The following VWC2L variants were observed in gnomAD, a reference collection of about 807,000 sequenced individuals.
VWC2L encodes the protein von Willebrand factor C domain-containing protein 2-like.
Under a neutral mutation model 21.6 loss-of-function variants are expected in VWC2L, and 10 were observed. The ratio of observed to expected loss-of-function variants is 0.46; its 90% CI spans 0.29 to 0.78. The LOEUF (loss-of-function observed/expected upper bound fraction) is 0.78, where lower values mean the gene tolerates loss of function less well. Ranked by LOEUF, VWC2L falls within the 30% of genes least tolerant of loss-of-function variation. VWC2L has a pLI of 0.10. For missense variants in VWC2L, 209 were observed against 277.1 expected (o/e 0.75, Z 1.74); for synonymous variants, 96 against 94.3 (o/e 1.02, Z -0.10).
chr2:214,533,068 C>CA (rs1472328249), intron 3 of VWC2L, among the ~76,000 whole-genome samples: 1 of 152,036 alleles, frequency 6.6e-6, no homozygotes, highest in East Asian at 1.9e-4. Flanking sequence ...ACAACCTCTA[C>CA]AAGTGAGCAG....
chr2:214,554,850 C>T (rs1448649482), intron 3 of VWC2L, among the ~76,000 whole-genome samples: 1 of 152,082 alleles, frequency 6.6e-6, no homozygotes, highest in African/African-American at 2.4e-5. Context: ...CTGTATTTTA[C>T]CTTAAAATAT....
intron 3 of VWC2L, among the ~76,000 whole-genome samples, chr2:214,481,659 G>A (rs1419014338): frequency 6.6e-6 from 1 of 152,152 alleles, no homozygotes; most frequent in African/African-American, 2.4e-5. Flanking sequence ...ATAATAGTTT[G>A]ACATCTGATG....
chr2:214,434,977 G>A (rs1299218127), intron 2 of VWC2L, among the ~76,000 whole-genome samples: 2 of 152,042 alleles, frequency 1.3e-5, no homozygotes, highest in Non-Finnish European at 2.9e-5. Context: ...CCCCCATACT[G>A]GCAGTAAATA....
At chr2:214,567,577 C>CAGAGAGAG (rs1197923993) in intron 3 of VWC2L, among the ~76,000 whole-genome samples, 3 of 73,800 alleles carry the variant, frequency 4.1e-5, no homozygotes, top group Admixed American at 1.2e-4. Context: ...CACACACACA[C>CAGAGAGAG]ACACACACAC....
intron 3 of VWC2L, among the ~76,000 whole-genome samples, chr2:214,511,548 G>A (rs1200556370): frequency 6.6e-6 from 1 of 152,072 alleles, no homozygotes; most frequent in East Asian, 1.9e-4. Flanking sequence ...CTCAGGAAGA[G>A]GATGCCTATC....
intron 2 of VWC2L, among the ~76,000 whole-genome samples, chr2:214,416,488 T>A (rs1034813700): frequency 6.6e-6 from 1 of 152,064 alleles, no homozygotes; most frequent in African/African-American, 2.4e-5. Context: ...TCACTTTTTT[T>A]AACAAGAATT....
At chr2:214,533,377 A>G (rs953732051) in intron 3 of VWC2L, among the ~76,000 whole-genome samples, 2 of 152,074 alleles carry the variant, frequency 1.3e-5, no homozygotes, top group East Asian at 3.9e-4. Flanking sequence ...GCTCTCTTCG[A>G]GGCTGCTAGT....
At chr2:214,442,474 C>T (rs1263423257) in intron 3 of VWC2L, among the ~76,000 whole-genome samples, 3 of 151,996 alleles carry the variant, frequency 2.0e-5, no homozygotes, top group Admixed American at 2.0e-4. Context: ...TTTTTAAACC[C>T]CTTTTTATTT....
intron 3 of VWC2L, among the ~76,000 whole-genome samples, chr2:214,562,987 T>A (rs914441654): frequency 6.6e-6 from 1 of 152,210 alleles, no homozygotes; most frequent in Non-Finnish European, 1.5e-5. Flanking sequence ...AATTTTGGCT[T>A]TTGTTGAAAC....
intron 3 of VWC2L, among the ~76,000 whole-genome samples, chr2:214,448,492 G>C (rs924590551): frequency 2.6e-5 from 4 of 152,156 alleles, no homozygotes; most frequent in Non-Finnish European, 5.9e-5. Context: ...TTCCCACTAA[G>C]ATTAGCCTGC....
chr2:214,423,325 C>A (rs1702471116), intron 2 of VWC2L, among the ~76,000 whole-genome samples: 1 of 151,992 alleles, frequency 6.6e-6, no homozygotes, highest in South Asian at 2.1e-4. Context: ...ATCTGACTCC[C>A]TTATTTTAGA....
chr2:214,413,573 T>G (rs920025369), intron 1 of VWC2L, among the ~76,000 whole-genome samples: 1 of 152,310 alleles, frequency 6.6e-6, no homozygotes, highest in South Asian at 2.1e-4. Flanking sequence ...TGTTCTTTAA[T>G]TATGGGCATA....
intron 3 of VWC2L, among the ~76,000 whole-genome samples, chr2:214,488,597 CA>C (rs1011068496): frequency 2.0e-5 from 3 of 152,086 alleles, no homozygotes; most frequent in Non-Finnish European, 4.4e-5. Context: ...GATCCAGTCT[CA>C]AAAAACAAAA....
chr2:214,475,021 G>A (rs991593621), intron 3 of VWC2L, among the ~76,000 whole-genome samples: 3 of 152,200 alleles, frequency 2.0e-5, no homozygotes, highest in Admixed American at 6.5e-5. Context: ...TGTTATCTCT[G>A]GCACATAGTG....
intron 3 of VWC2L, among the ~76,000 whole-genome samples, chr2:214,504,763 A>G (rs1266131888): frequency 6.7e-6 from 1 of 149,300 alleles, no homozygotes; most frequent in Non-Finnish European, 1.5e-5. Flanking sequence ...TCATTATTTT[A>G]TCTTCACAAC....
chr2:214,557,773 C>T (rs956257883), intron 3 of VWC2L, among the ~76,000 whole-genome samples: 3 of 152,288 alleles, frequency 2.0e-5, no homozygotes, highest in Admixed American at 6.5e-5. Flanking sequence ...AGGGCCCTCA[C>T]GTCCCATCTA....
At chr2:214,421,414 G>T (rs985228352) in intron 2 of VWC2L, among the ~76,000 whole-genome samples, 1 of 152,118 alleles carries the variant, frequency 6.6e-6, no homozygotes, top group Admixed American at 6.5e-5. Flanking sequence ...TAGCCCTTTT[G>T]TTAGTTATAT....
At chr2:214,437,978 T>A (rs115143743) in intron 3 of VWC2L, among the ~76,000 whole-genome samples, 1 of 152,174 alleles carries the variant, frequency 6.6e-6, no homozygotes, top group Non-Finnish European at 1.5e-5. Context: ...TTTCTTCTTA[T>A]CTCCTTTCTC....
intron 2 of VWC2L, among the ~76,000 whole-genome samples, chr2:214,428,532 A>T (rs79492855): frequency 0.023 from 3,546 of 152,246 alleles, 123 homozygotes; most frequent in African/African-American, 0.08. Context: ...AAGATTTTTT[A>T]AATTAAAATA....
Sources: allele counts gnomAD v4.1 joint callset (sites outside exome capture counted in the v4.1 genomes callset), GRCh38; gene constraint gnomAD v4.1.1; transcripts MANE v1.5; gene names NCBI Gene and HGNC (gene_info 2026-07-23, HGNC 2026-07-21).